The following TRIM64C variants were observed in gnomAD, a reference collection of about 807,000 sequenced individuals.
TRIM64C encodes tripartite motif-containing protein 64C.
A neutral mutation model predicts 36.1 loss-of-function variants in TRIM64C; 25 were observed. The observed-to-expected ratio is 0.69, with a 90% CI of 0.51 to 0.97. The LOEUF (loss-of-function observed/expected upper bound fraction) is 0.97. Among genes scored for constraint, TRIM64C ranks in the 50% least tolerant of loss-of-function variants. The pLI, the probability that TRIM64C is intolerant of heterozygous loss-of-function variation, is 0.00. For missense variants in TRIM64C, 489 were observed against 536.8 expected, an observed-to-expected ratio of 0.91 and a Z score of 0.88; for synonymous variants, 212 against 185.7, an observed-to-expected ratio of 1.14 and a Z score of -1.15.
intron 2 of TRIM64C, 153 bp downstream of exon 2, chr11:49,057,925 C>G: frequency 1.7e-6 from 1 of 576,830 alleles, no homozygotes; most frequent in Non-Finnish European, 3.0e-6. Flanking sequence ...GTGGGCTTCT[C>G]TGTTTGCAAT....
intron 1 of TRIM64C, 73 bp downstream of exon 1, chr11:49,058,628 A>C: frequency 6.5e-7 from 1 of 1,527,474 alleles, no homozygotes; most frequent in Non-Finnish European, 8.8e-7. Context: ...CATTCTCATC[A>C]CCATCATTAT....
At chr11:49,054,961 A>T (rs1854795475) in intron 5 of TRIM64C, among the ~76,000 whole-genome samples, 1 of 152,260 alleles carries the variant, frequency 6.6e-6, no homozygotes, top group African/African-American at 2.4e-5. Flanking sequence ...ATTAAAAACC[A>T]TTATGCCAAA....
intron 5 of TRIM64C, among the ~76,000 whole-genome samples, chr11:49,054,444 G>A (rs1211148008): frequency 6.6e-6 from 1 of 152,100 alleles, no homozygotes; most frequent in Admixed American, 6.5e-5. Flanking sequence ...GCAAAGTAAT[G>A]ATTTAATGTC....
chr11:49,056,577 C>T (rs375489742), intron 3 of TRIM64C, among the ~76,000 whole-genome samples, 196 bp from the exon 4 acceptor site: 5 of 151,934 alleles, frequency 3.3e-5, no homozygotes, highest in South Asian at 2.1e-4. Flanking sequence ...GGCATTAAGA[C>T]GAAATGAGCT....
At chr11:49,054,364 T>A (rs1172920956) in intron 5 of TRIM64C, among the ~76,000 whole-genome samples, 157 bp from the exon 6 acceptor site, 4 of 152,224 alleles carry the variant, frequency 2.6e-5, no homozygotes, top group Non-Finnish European at 5.9e-5. Flanking sequence ...AATGTTATTA[T>A]ACCTCTACAG....
intron 2 of TRIM64C, chr11:49,057,861 G>C: frequency 1.9e-6 from 1 of 523,912 alleles, no homozygotes; most frequent in Non-Finnish European, 3.4e-6. Context: ...ATTTGAACTA[G>C]AATACACATC....
At chr11:49,055,779 C>T (rs1382875638) in intron 4 of TRIM64C, among the ~76,000 whole-genome samples, 1 of 152,144 alleles carries the variant, frequency 6.6e-6, no homozygotes, top group Non-Finnish European at 1.5e-5. Flanking sequence ...GTCACTAATG[C>T]TAGTCAGTGT....
Position 49,054,020 on chromosome 11 carries a change from G to A in TRIM64C, c.1047C>T (p.His349=). The part of the protein sequence containing the change: ...GKHYWEVDVT[H]SSNWILGVCR... ...AGACTCCCAGAATCCAGTTGGAGGA[G>A]TGGGTCACATCCACTTCCCAGTAAT... Residue 349 remains histidine (H), a synonymous_variant, in exon 6 of 6, where the codon CAC becomes CAT. Coordinates refer to ENST00000617704, the MANE Select transcript of TRIM64C (RefSeq NM_001206631.1). The A allele has an allele frequency of 5.2e-6, 8 of 1,551,604 alleles. No homozygotes were observed. The highest frequency in any genetic ancestry group is 1.2e-5 in the South Asian group (1 of 84,054).
intron 5 of TRIM64C, 109 bp downstream of exon 5, chr11:49,055,201 T>G: frequency 7.3e-7 from 1 of 1,362,564 alleles, no homozygotes; most frequent in Non-Finnish European, 1.0e-6. Flanking sequence ...TGGAAAACTA[T>G]GTATTACCTA....
intron 5 of TRIM64C, among the ~76,000 whole-genome samples, chr11:49,054,728 T>C (rs1854792618): frequency 6.6e-6 from 1 of 152,210 alleles, no homozygotes. Flanking sequence ...TCTGTGTTCC[T>C]GCCCTCTGCC....
rs534504356 is a variant in TRIM64C at position 49,058,792 on chromosome 11, C to T, written c.321G>A (p.Lys107=). The change falls in exon 1 of 6, where the codon AAG becomes AAA. Residue 107 remains lysine (K), a synonymous_variant. Transcript: ENST00000617704. ...CAGAGCAGGGCCCACAGAGCAATCTCTTGTCAGCCTCACAGAAGAGCTCCT... is the reference window on the plus strand; with the variant it reads ...CAGAGCAGGGCCCACAGAGCAATCTTTTGTCAGCCTCACAGAAGAGCTCCT... The part of the protein sequence containing the change: ...ETKELFCEAD[K]RLLCGPCSES... 46 of 1,549,064 alleles carry T rather than the reference C, an allele frequency of 3.0e-5. 1 individual carries two copies. Among genetic ancestry groups the T allele is most frequent in the African/African-American group, 2.6e-4 (19 of 72,750 alleles).
chr11:49,057,309 C>T lies in TRIM64C; in HGVS notation c.577G>A (p.Glu193Lys), dbSNP rs1420356640. 1.7e-5 allele frequency: 26 copies of T among 1,549,764 alleles called. No individual in the cohort carries two copies. The highest frequency in any genetic ancestry group is 2.2e-5 in the Non-Finnish European group (25 of 1,146,964). ...AGTGCCTGCAGATGCCGTTGCTCCT[C>T]CTCATCGAGAAATATATGCATCTTT... Reference protein sequence around the residue: ...YQKMHIFLDEEEQRHLQALER... With the variant: ...YQKMHIFLDEKEQRHLQALER... The change falls in exon 3 of 6, where the codon GAG becomes AAG. Residue 193 changes from glutamate (E) to lysine (K), a missense_variant. Glu to Lys is a moderately conservative substitution (Grantham distance 56). Coordinates refer to ENST00000617704, the MANE Select transcript of TRIM64C (RefSeq NM_001206631.1).
intron 1 of TRIM64C, 25 bp from the exon 2 acceptor site, chr11:49,058,197 G>A (rs377150454): frequency 8.5e-6 from 12 of 1,416,180 alleles, no homozygotes; most frequent in African/African-American, 5.8e-5. Flanking sequence ...AAGAAGCTTA[G>A]CAATGATGAA....
intron 1 of TRIM64C, among the ~76,000 whole-genome samples, 177 bp from the exon 2 acceptor site, chr11:49,058,349 A>G (rs369621011): frequency 1.3e-5 from 2 of 151,924 alleles, no homozygotes; most frequent in African/African-American, 4.9e-5. Context: ...TGATAGAAAC[A>G]TAATAGAGAG....
At position 49,055,381 on chromosome 11, in the gene TRIM64C, G is replaced by A; in HGVS notation, c.788C>T (p.Pro263Leu). 4 of 1,532,694 alleles carry A rather than the reference G, an allele frequency of 2.6e-6. No homozygotes were observed. The highest frequency in any genetic ancestry group is 3.5e-6 in the Non-Finnish European group (4 of 1,146,360). The allele number at this position is 1,532,694 out of a possible 1,614,324, so 94.9% of individuals were successfully genotyped here. A position where few individuals can be genotyped will look rare whatever the true frequency, so the allele number is the denominator to read the frequency against. The change falls in exon 5 of 6, where the codon CCC becomes CTC. Residue 263 changes from proline (P) to leucine (L), a missense_variant. Physicochemically the swap from Pro to Leu is moderately conservative, Grantham distance 98. Coordinates refer to ENST00000617704, the MANE Select transcript of TRIM64C (RefSeq NM_001206631.1). The part of the protein sequence containing the change: ...ARTDLAQMPK[P>L]QPVNPELTSW... Reference sequence around the variant, plus strand: ...AGTGAGCTCTGGGTTCACTGGCTGGGGCTTTGGCATCTGTGCCAAATCAGT... The same window carrying A: ...AGTGAGCTCTGGGTTCACTGGCTGGAGCTTTGGCATCTGTGCCAAATCAGT...
At position 49,053,972 on chromosome 11, in the gene TRIM64C, A is replaced by G. The variant is rs1351884780; in HGVS notation, c.1095T>C (p.Asp365=). ...TGTCAGAATCAATAACTATATTGGT[A>G]TCTGCTGTCCTAGAATCTCGACAGA... is the stretch of plus-strand genomic sequence containing the variant. ...LGVCRDSRTA[D]TNIVIDSDKT... Residue 365 remains aspartate, a synonymous_variant, in exon 6 of 6, where the codon GAT becomes GAC. Transcript: ENST00000617704. 4.5e-5 allele frequency: 70 copies of G among 1,551,608 alleles called. No homozygotes were observed. The East Asian group carries it at 1.6e-3, about 36-fold the overall frequency.
Position 49,054,355 on chromosome 11 carries a change from A to G in TRIM64C, c.860-148T>C, listed in dbSNP as rs578084845. The G allele has an allele frequency of 1.4e-5, 12 of 844,280 alleles. No individual in the cohort carries two copies. The East Asian group carries it at 2.9e-4, about 21-fold the overall frequency. 52.3% of individuals were successfully genotyped at this position (844,280 alleles called of 1,614,324 possible). ...AGCCCCATGCATCCATGAAGATGAA[A>G]TGTTATTATACCTCTACAGCATATA... On this transcript the variant is annotated intron_variant, in intron 5 of 5. Coordinates refer to ENST00000617704, the MANE Select transcript of TRIM64C (RefSeq NM_001206631.1).
At chr11:49,056,487 T>C in intron 3 of TRIM64C, 106 bp from the exon 4 acceptor site, 1 of 923,686 alleles carries the variant, frequency 1.1e-6, no homozygotes, top group Non-Finnish European at 1.7e-6. Flanking sequence ...AATGTATATC[T>C]TTTTATTCCC....
chr11:49,054,051 C>G lies in TRIM64C; in HGVS notation c.1016G>C (p.Gly339Ala). Reference sequence around the variant, plus strand: ...CACATCCACTTCCCAGTAATGCTTGCCGGAGGTGAATGCTTGCGCACACCA... The same window carrying G: ...CACATCCACTTCCCAGTAATGCTTGGCGGAGGTGAATGCTTGCGCACACCA... ...AVWCAQAFTS[G>A]KHYWEVDVTH... is the part of the protein sequence containing the mutation. Residue 339 changes from glycine (G) to alanine (A), a missense_variant, in exon 6 of 6, where the codon GGC becomes GCC. Physicochemically the swap from Gly to Ala is moderately conservative, Grantham distance 60. Transcript: ENST00000617704. 4 of 1,551,580 alleles carry G rather than the reference C, an allele frequency of 2.6e-6. No homozygotes were observed. Among genetic ancestry groups the G allele is most frequent in the Non-Finnish European group, 3.5e-6 (4 of 1,146,838 alleles).
Sources: allele counts gnomAD v4.1 joint callset (sites outside exome capture counted in the v4.1 genomes callset), GRCh38; gene constraint gnomAD v4.1.1; transcripts MANE v1.5; gene names NCBI Gene and HGNC (gene_info 2026-07-23, HGNC 2026-07-21).